Variants in FAF1 observed in about 807,000 individuals in gnomAD.
FAF1 encodes Fas associated factor 1, also known as FAS-associated factor 1.
Under a neutral mutation model 92.5 loss-of-function variants are expected in FAF1, and 25 were observed. The observed-to-expected ratio is 0.27, with a 90% CI of 0.20 to 0.38. The LOEUF is 0.38. FAF1 is among the 10% of genes least tolerant of loss of function. FAF1 has a pLI of 1.00. For missense variants in FAF1, 636 were observed against 793.3 expected, an observed-to-expected ratio of 0.80 and a Z score of 2.38; for synonymous variants, 234 against 273.2, an observed-to-expected ratio of 0.86 and a Z score of 1.42.
intron 6 of FAF1, among the ~76,000 whole-genome samples, chr1:50,708,067 CA>C (rs1401987858): frequency 1.3e-5 from 2 of 152,190 alleles, no homozygotes; most frequent in African/African-American, 4.8e-5. Flanking sequence ...CTCAGCCTCA[CA>C]AAGTGCTGGG....
intron 6 of FAF1, among the ~76,000 whole-genome samples, chr1:50,723,657 A>T (rs1658506826): frequency 6.6e-6 from 1 of 152,054 alleles, no homozygotes; most frequent in Non-Finnish European, 1.5e-5. Flanking sequence ...CACACTTATA[A>T]TCCCAGTGCT....
intron 7 of FAF1, among the ~76,000 whole-genome samples, chr1:50,694,956 T>C (rs2124402684): frequency 6.6e-6 from 1 of 151,356 alleles, no homozygotes; most frequent in South Asian, 2.1e-4. Flanking sequence ...AGCGAGACTG[T>C]CTCAAAAAAA....
In FAF1 at chr1:50,901,695, T is replaced by TG. The variant is rs1441381640; in HGVS notation, c.46-43699dup. 3.9e-5 allele frequency among the ~76,000 whole-genome samples: 6 copies of TG among 152,184 alleles called. No individual in the cohort carries two copies. The East Asian group carries it at 1.2e-3, about 29-fold the overall frequency. Reference sequence around the variant, plus strand: ...CAGCCTAGGCAACATGGTAAAACCCTGTCTACAAAAAATACAAAAATGTGT... The same window carrying TG: ...CAGCCTAGGCAACATGGTAAAACCCTGGTCTACAAAAAATACAAAAATGTGT... On this transcript the variant is annotated intron_variant, in intron 1 of 18. Coordinates refer to ENST00000396153, the MANE Select transcript of FAF1 (RefSeq NM_007051.3).
At chr1:50,714,329 C>T (rs1381277754) in intron 6 of FAF1, among the ~76,000 whole-genome samples, 1 of 147,142 alleles carries the variant, frequency 6.8e-6, no homozygotes, top group Non-Finnish European at 1.5e-5. Flanking sequence ...ATAGTGAAAT[C>T]GTGTCTCTAC....
rs1180935877 is a variant in FAF1, at chr1:50,819,780, TATATATACATATATATATATAC to T, written c.115-18125_115-18104del. ...ATATATATACGTATATATATATACA[TATATATACATATATATATATAC>T]ATATATATATATATATAGTATTGTA... is the stretch of plus-strand genomic sequence containing the variant. On this transcript the variant is annotated intron_variant, in intron 2 of 18. Transcript: ENST00000396153. Among the ~76,000 whole-genome samples the T allele has an allele frequency of 3.5e-3, 268 of 75,744 alleles. 9 individuals carry two copies. In the South Asian group the frequency reaches 0.04, roughly 11 times the overall value. The allele number at this position is 75,744 out of a possible 152,430, so 49.7% of individuals were successfully genotyped here. A position where few individuals can be genotyped will look rare whatever the true frequency, so the allele number is the denominator to read the frequency against.
intron 4 of FAF1, among the ~76,000 whole-genome samples, chr1:50,771,422 C>CA (rs1210156298): frequency 3.3e-5 from 5 of 151,772 alleles, no homozygotes; most frequent in African/African-American, 7.3e-5. Flanking sequence ...AATTAATGAG[C>CA]AAAAAACAAA....
At position 50,497,879 on chromosome 1, in the gene FAF1, C is replaced by T. The variant is rs571015217; in HGVS notation, c.1495-6078G>A. Among the ~76,000 whole-genome samples, 5 of 152,132 alleles carry T rather than the reference C, an allele frequency of 3.3e-5. No individual in the cohort carries two copies. The East Asian group carries it at 9.7e-4, about 29-fold the overall frequency. ...CTCTTTAAGAAACAATTGACTGTATCTCAATGCCATTTTTTACAGAAACAG... is the reference window on the plus strand; with the variant it reads ...CTCTTTAAGAAACAATTGACTGTATTTCAATGCCATTTTTTACAGAAACAG... On this transcript the variant is annotated intron_variant, in intron 15 of 18. Coordinates refer to ENST00000396153, the MANE Select transcript of FAF1 (RefSeq NM_007051.3).
chr1:50,499,331 C>T (rs2149014637), intron 15 of FAF1, among the ~76,000 whole-genome samples: 2 of 143,668 alleles, frequency 1.4e-5, no homozygotes. Flanking sequence ...AACATTTGAT[C>T]TTTCCCCAGT....
chr1:50,643,693 A>G (rs989819628), intron 8 of FAF1, among the ~76,000 whole-genome samples: 1 of 152,176 alleles, frequency 6.6e-6, no homozygotes, highest in African/African-American at 2.4e-5. Context: ...CCCAGATTCA[A>G]GCAATTCTCC....
At chr1:50,824,426 T>C (rs1426877199) in intron 2 of FAF1, among the ~76,000 whole-genome samples, 3 of 152,080 alleles carry the variant, frequency 2.0e-5, no homozygotes, top group African/African-American at 7.2e-5. Flanking sequence ...TAATCCTTTT[T>C]CTCGCCTATA....
chr1:50,671,731 A>T (rs1482906217), intron 7 of FAF1, among the ~76,000 whole-genome samples: 2 of 151,078 alleles, frequency 1.3e-5, no homozygotes, highest in African/African-American at 4.9e-5. Flanking sequence ...TGAACATTTT[A>T]ATTTTTTTTT....
intron 7 of FAF1, among the ~76,000 whole-genome samples, chr1:50,663,112 A>G (rs1274016506): frequency 6.6e-6 from 1 of 151,888 alleles, no homozygotes; most frequent in Non-Finnish European, 1.5e-5. Flanking sequence ...CAAATTAAAA[A>G]GAAGCTAAAT....
intron 7 of FAF1, among the ~76,000 whole-genome samples, chr1:50,693,588 CAT>C (rs1190546488): frequency 6.6e-6 from 1 of 151,876 alleles, no homozygotes; most frequent in Non-Finnish European, 1.5e-5. Flanking sequence ...GTAGCATATG[CAT>C]ATAAGGTAAA....
chr1:50,780,901 C>G (rs1439711384), intron 4 of FAF1: 1 of 484,138 alleles, frequency 2.1e-6, no homozygotes, highest in Non-Finnish European at 4.1e-6. Context: ...ACACATGGCT[C>G]AGCAGGAAGC....
At chr1:50,865,047 C>G (rs1463303173) in intron 1 of FAF1, among the ~76,000 whole-genome samples, 1 of 152,130 alleles carries the variant, frequency 6.6e-6, no homozygotes, top group African/African-American at 2.4e-5. Context: ...AGACACTTCT[C>G]AAAAGAAGAC....
intron 7 of FAF1, among the ~76,000 whole-genome samples, chr1:50,676,363 C>G (rs1034920950): frequency 1.4e-5 from 2 of 145,928 alleles, no homozygotes; most frequent in Middle Eastern, 3.7e-3. Flanking sequence ...GCCAAGATCA[C>G]GCCATTGCAC....
At chr1:50,519,311 A>C (rs1647365905) in intron 15 of FAF1, among the ~76,000 whole-genome samples, 1 of 146,818 alleles carries the variant, frequency 6.8e-6, no homozygotes, top group South Asian at 2.2e-4. Flanking sequence ...CCTGGGTGAC[A>C]GAGCGAGACT....
intron 7 of FAF1, among the ~76,000 whole-genome samples, chr1:50,662,756 G>A (rs560135099): frequency 1.1e-4 from 16 of 141,714 alleles, no homozygotes; most frequent in Non-Finnish European, 1.9e-4. Flanking sequence ...GGAGTGCAGC[G>A]GCGGGATCTT....
chr1:50,488,856 G>C (rs1262033845), intron 17 of FAF1, among the ~76,000 whole-genome samples: 1 of 152,172 alleles, frequency 6.6e-6, no homozygotes, highest in Non-Finnish European at 1.5e-5. Flanking sequence ...ATACACAGAA[G>C]ACATTCAACA....
Sources: allele counts gnomAD v4.1 joint callset (sites outside exome capture counted in the v4.1 genomes callset), GRCh38; gene constraint gnomAD v4.1.1; transcripts MANE v1.5; gene names NCBI Gene and HGNC (gene_info 2026-07-23, HGNC 2026-07-21).